Variants in PCCA observed in about 807,000 individuals in gnomAD.
PCCA encodes propionyl-CoA carboxylase subunit alpha, also known as propionyl-CoA carboxylase alpha chain, mitochondrial.
A neutral mutation model predicts 101.3 loss-of-function variants in PCCA; 74 were observed. The observed-to-expected ratio is 0.73, with a 90% CI of 0.61 to 0.89. The LOEUF is 0.89. Ranked by LOEUF, PCCA falls within the 40% of genes least tolerant of loss-of-function variation. PCCA has a pLI of 0.00. For missense variants in PCCA, 891 were observed against 907.0 expected, an observed-to-expected ratio of 0.98 and a Z score of 0.23; for synonymous variants, 294 against 313.6, an observed-to-expected ratio of 0.94 and a Z score of 0.66.
intron 17 of PCCA, among the ~76,000 whole-genome samples, chr13:100,336,631 A>C (rs1319309083): frequency 1.3e-5 from 2 of 152,190 alleles, no homozygotes; most frequent in Non-Finnish European, 2.9e-5. Flanking sequence ...TTTCAGTCAC[A>C]AATACTTATA....
intron 12 of PCCA, among the ~76,000 whole-genome samples, chr13:100,276,683 C>T (rs2063694280): frequency 6.6e-6 from 1 of 151,896 alleles, no homozygotes; most frequent in Non-Finnish European, 1.5e-5. Context: ...AATTAATCAC[C>T]CATTGAGTTC....
intron 18 of PCCA, among the ~76,000 whole-genome samples, chr13:100,355,231 A>G (rs1226267373): frequency 2.0e-5 from 3 of 152,170 alleles, no homozygotes; most frequent in Non-Finnish European, 4.4e-5. Flanking sequence ...AAATGCAAAA[A>G]AAAAATCTGA....
At chr13:100,198,111 T>C (rs778727912) in intron 6 of PCCA, 3 of 152,238 alleles carry the variant, frequency 2.0e-5, no homozygotes, top group Non-Finnish European at 2.9e-5. Context: ...AGTAAAAAGG[T>C]AAGGAAGAAA....
At chr13:100,185,696 G>A (rs2057197831) in intron 6 of PCCA, among the ~76,000 whole-genome samples, 1 of 150,940 alleles carries the variant, frequency 6.6e-6, no homozygotes, top group Admixed American at 6.6e-5. Flanking sequence ...TGCCCACGCT[G>A]GAGTGCAATG....
At chr13:100,286,297 C>T (rs1273311242) in intron 12 of PCCA, among the ~76,000 whole-genome samples, 2 of 152,176 alleles carry the variant, frequency 1.3e-5, no homozygotes, top group African/African-American at 2.4e-5. Flanking sequence ...AGCACACACT[C>T]GGACAAGGGA....
Position 100,530,356 on chromosome 13 carries a change from C to T in PCCA, c.*190C>T, listed in dbSNP as rs41281124. 2 of 645,258 alleles carry T rather than the reference C, an allele frequency of 3.1e-6. No individual in the cohort carries two copies. The highest frequency in any genetic ancestry group is 5.6e-6 in the Non-Finnish European group (2 of 356,342). The allele number at this position is 645,258 out of a possible 1,614,324, so 40.0% of individuals were successfully genotyped here. On this transcript the variant is annotated 3_prime_UTR_variant, in exon 24 of 24. Transcript: ENST00000376285. ...ATGGAAATTTTCATTGATATAAATACTTGTACATATGATTTGTACTTCTGC... is the reference window on the plus strand; with the variant it reads ...ATGGAAATTTTCATTGATATAAATATTTGTACATATGATTTGTACTTCTGC...
chr13:100,112,863 A>G (rs1030349711), intron 4 of PCCA, among the ~76,000 whole-genome samples: 2 of 130,174 alleles, frequency 1.5e-5, no homozygotes, highest in African/African-American at 6.1e-5. Context: ...GGCTTGAGCC[A>G]CCACACCCGG....
At position 100,110,200 on chromosome 13, in the gene PCCA, C is replaced by T. The variant is rs145751421; in HGVS notation, c.184-1641C>T. 1.8e-3 allele frequency among the ~76,000 whole-genome samples: 277 copies of T among 152,286 alleles called. 1 individual carries two copies. Among genetic ancestry groups the T allele is most frequent in the Middle Eastern group, 6.8e-3 (2 of 294 alleles). On this transcript the variant is annotated intron_variant, in intron 2 of 23. Transcript: ENST00000376285. ...GTACTTTTTAAAAGGTCATTTATAA[C>T]TCTAACTCTTCTTTTAGAAATATAA...
chr13:100,145,960 A>G (rs1436899387), intron 4 of PCCA, among the ~76,000 whole-genome samples: 5 of 148,576 alleles, frequency 3.4e-5, no homozygotes, highest in African/African-American at 7.4e-5. Flanking sequence ...TTTTTGAGAC[A>G]GAGTCTCACT....
chr13:100,306,397 A>G (rs1029399856), intron 14 of PCCA, among the ~76,000 whole-genome samples: 1 of 152,228 alleles, frequency 6.6e-6, no homozygotes, highest in African/African-American at 2.4e-5. Context: ...TCAGATTCCA[A>G]AACTTCTTTC....
chr13:100,442,962 C>A (rs2080489514), intron 20 of PCCA, among the ~76,000 whole-genome samples: 1 of 152,126 alleles, frequency 6.6e-6, no homozygotes, highest in South Asian at 2.1e-4. Context: ...GAAGACAGAA[C>A]CAGATCATCT....
At chr13:100,292,287 T>C (rs928257687) in intron 12 of PCCA, among the ~76,000 whole-genome samples, 22 of 152,244 alleles carry the variant, frequency 1.4e-4, no homozygotes, top group African/African-American at 5.1e-4. Context: ...TTTTTGTTAA[T>C]TGCAAACATC....
chr13:100,135,914 T>G (rs2051104840), intron 4 of PCCA, among the ~76,000 whole-genome samples: 1 of 152,204 alleles, frequency 6.6e-6, no homozygotes, highest in African/African-American at 2.4e-5. Context: ...GTGGGGTTTT[T>G]TTCCTTTTGA....
intron 16 of PCCA, among the ~76,000 whole-genome samples, chr13:100,318,577 C>T (rs183722553): frequency 1.4e-4 from 21 of 148,580 alleles, no homozygotes; most frequent in East Asian, 1.2e-3. Flanking sequence ...TGAGAACATG[C>T]GGTGTTTGGT....
At chr13:100,251,977 AC>A (rs1168458475) in intron 8 of PCCA, among the ~76,000 whole-genome samples, 1 of 134,986 alleles carries the variant, frequency 7.4e-6, no homozygotes, top group Non-Finnish European at 1.6e-5. Context: ...ACACAAACCC[AC>A]ACTTTCCCTT....
chr13:100,152,903 T>C (rs942101383), intron 4 of PCCA, among the ~76,000 whole-genome samples: 1 of 152,178 alleles, frequency 6.6e-6, no homozygotes, highest in Non-Finnish European at 1.5e-5. Flanking sequence ...GGATTCTCTC[T>C]CTCCTTTTTA....
intron 23 of PCCA, 21 bp from the exon 24 acceptor site, chr13:100,530,077 C>G (rs1329303552): frequency 6.2e-7 from 1 of 1,604,492 alleles, no homozygotes; most frequent in South Asian, 1.1e-5. Flanking sequence ...TCCCCTCCCC[C>G]TGCATTTTTC....
At chr13:100,206,030 G>A (rs183497647) in intron 6 of PCCA, among the ~76,000 whole-genome samples, 11 of 152,114 alleles carry the variant, frequency 7.2e-5, no homozygotes, top group East Asian at 1.9e-4. Flanking sequence ...TACTTCCTAC[G>A]TATGTGCTTT....
At chr13:100,220,515 C>T (rs1175693825) in intron 7 of PCCA, among the ~76,000 whole-genome samples, 1 of 151,532 alleles carries the variant, frequency 6.6e-6, no homozygotes, top group Non-Finnish European at 1.5e-5. Context: ...AAGTGATCCA[C>T]CTGCCTCGGC....
Sources: allele counts gnomAD v4.1 joint callset (sites outside exome capture counted in the v4.1 genomes callset), GRCh38; gene constraint gnomAD v4.1.1; transcripts MANE v1.5; gene names NCBI Gene and HGNC (gene_info 2026-07-23, HGNC 2026-07-21).